DPH6: variants seen among roughly 807,000 people sequenced by gnomAD.
DPH6 encodes diphthamine biosynthesis 6.
In DPH6, 33 loss-of-function variants were observed where a neutral mutation model predicts 38.2. That is an observed-to-expected ratio of 0.86 (90% CI 0.65 to 1.15). The LOEUF (loss-of-function observed/expected upper bound fraction) is 1.15, where lower values mean the gene tolerates loss of function less well. DPH6 is among the 50% of genes most tolerant of loss of function. The pLI is 0.00. For missense variants in DPH6, 325 were observed against 320.0 expected (o/e 1.02, Z -0.12); for synonymous variants, 108 against 103.0 (o/e 1.05, Z -0.30).
At chr15:35,358,615 A>T (rs1434965435) in intron 3 of DPH6, among the ~76,000 whole-genome samples, 1 of 152,074 alleles carries the variant, frequency 6.6e-6, no homozygotes, top group Admixed American at 6.5e-5. Context: ...CTATGGATGT[A>T]GCTTCCTGTG....
At chr15:35,545,096 A>T (rs8024137) in intron 1 of DPH6, among the ~76,000 whole-genome samples, 134,247 of 152,218 alleles carry the variant, frequency 0.88, 59,316 homozygotes, top group East Asian at 1. Flanking sequence ...AATAGGTCAA[A>T]ACTTACAGCC....
At chr15:35,481,536 T>C (rs73380799) in intron 3 of DPH6, among the ~76,000 whole-genome samples, 12,021 of 152,148 alleles carry the variant, frequency 0.079, 642 homozygotes, top group African/African-American at 0.14. Flanking sequence ...AATTTAAAAT[T>C]TGAATATTGA....
rs144198937 is a variant in DPH6 at position 35,533,015 on chromosome 15, G to A, written c.312+5259C>T. On this transcript the variant is annotated intron_variant, in intron 3 of 8. Transcript: ENST00000256538. ...CCAGCTACTCAGGAGGCTGAAGCAG[G>A]AGAATTGCTTGAACCTAGGAGGCGG... Among the ~76,000 whole-genome samples the A allele has an allele frequency of 4.1e-4, 62 of 151,968 alleles. 1 individual carries two copies. In the East Asian group the frequency reaches 0.012, roughly 29 times the overall value.
chr15:35,273,020 C>T (rs969409225), intron 3 of DPH6, among the ~76,000 whole-genome samples: 1 of 152,020 alleles, frequency 6.6e-6, no homozygotes, highest in African/African-American at 2.4e-5. Flanking sequence ...TGTAAGCTTC[C>T]TGAGGACTAT....
chr15:35,465,969 G>A (rs1857679975), intron 3 of DPH6, among the ~76,000 whole-genome samples: 1 of 152,154 alleles, frequency 6.6e-6, no homozygotes, highest in African/African-American at 2.4e-5. Context: ...CAACCTACAT[G>A]TGAAACTAAA....
At chr15:35,274,817 T>C (rs1206106485) in intron 3 of DPH6, among the ~76,000 whole-genome samples, 1 of 152,200 alleles carries the variant, frequency 6.6e-6, no homozygotes, top group African/African-American at 2.4e-5. Flanking sequence ...TTTAAACCGT[T>C]GTGGATGACA....
At chr15:35,257,885 A>G (rs2051718807) in intron 3 of DPH6, among the ~76,000 whole-genome samples, 1 of 151,978 alleles carries the variant, frequency 6.6e-6, no homozygotes, top group East Asian at 1.9e-4. Context: ...CTCTTAAACA[A>G]TTTGAATAGT....
intron 3 of DPH6, among the ~76,000 whole-genome samples, chr15:35,289,671 T>C (rs1172366636): frequency 6.6e-6 from 1 of 152,250 alleles, no homozygotes; most frequent in African/African-American, 2.4e-5. Flanking sequence ...ATTTCTAATG[T>C]TATGTTTTAG....
At chr15:35,408,283 T>C (rs1050946739) in intron 6 of DPH6, among the ~76,000 whole-genome samples, 1 of 151,978 alleles carries the variant, frequency 6.6e-6, no homozygotes, top group Non-Finnish European at 1.5e-5. Flanking sequence ...ATTAGCACAA[T>C]TATCTTGAGG....
chr15:35,262,705 C>CAAAAAAAAAAAAAAAAAAA (rs58580024), intron 3 of DPH6, among the ~76,000 whole-genome samples: 14 of 82,626 alleles, frequency 1.7e-4, no homozygotes, highest in African/African-American at 7.0e-4. Context: ...GACTCCGTCT[C>CAAAAAAAAAAAAAAAAAAA]AAAAAAAAAA....
intron 3 of DPH6, among the ~76,000 whole-genome samples, chr15:35,485,421 T>C (rs923375624): frequency 9.9e-5 from 15 of 152,206 alleles, no homozygotes; most frequent in Admixed American, 8.5e-4. Flanking sequence ...TTTGCCAAGA[T>C]AGGGTCATTA....
chr15:35,435,854 G>T (rs2053692407), intron 5 of DPH6, among the ~76,000 whole-genome samples: 2 of 152,006 alleles, frequency 1.3e-5, no homozygotes, highest in South Asian at 4.2e-4. Context: ...TTCTTCTGAG[G>T]GTAGAGGAAA....
At chr15:35,293,287 T>G (rs2051991681) in intron 3 of DPH6, among the ~76,000 whole-genome samples, 1 of 152,210 alleles carries the variant, frequency 6.6e-6, no homozygotes, top group South Asian at 2.1e-4. Context: ...TTTAGTTATC[T>G]CTTTCTCATA....
chr15:35,467,764 C>A (rs374904107), intron 3 of DPH6, among the ~76,000 whole-genome samples: 1 of 151,864 alleles, frequency 6.6e-6, no homozygotes, highest in East Asian at 1.9e-4. Context: ...TTGGAGGGAC[C>A]GGCCTGAGGC....
At chr15:35,493,332 C>T (rs951578529) in intron 3 of DPH6, among the ~76,000 whole-genome samples, 10 of 152,042 alleles carry the variant, frequency 6.6e-5, no homozygotes, top group Admixed American at 5.3e-4. Context: ...GGTTAGATTC[C>T]GTAGGCTAAC....
At chr15:35,352,452 C>A (rs1472043795) in intron 3 of DPH6, among the ~76,000 whole-genome samples, 1 of 152,116 alleles carries the variant, frequency 6.6e-6, no homozygotes, top group Admixed American at 6.5e-5. Context: ...CACAACAGGC[C>A]CCGGTGTGTG....
chr15:35,531,064 T>C lies in DPH6; in HGVS notation c.312+7210A>G, dbSNP rs191179724. Among the ~76,000 whole-genome samples the C allele has an allele frequency of 3.2e-4, 49 of 152,326 alleles. No individual in the cohort carries two copies. In the East Asian group the frequency reaches 5.0e-3, roughly 16 times the overall value. Reference sequence around the variant, plus strand: ...GTGTGCCTGTTTAACTAATGCTATGTCTGCGTCCTCCCTGAAAATCTTAAG... The same window carrying C: ...GTGTGCCTGTTTAACTAATGCTATGCCTGCGTCCTCCCTGAAAATCTTAAG... On this transcript the variant is annotated intron_variant, in intron 3 of 8. Coordinates refer to ENST00000256538, the MANE Select transcript of DPH6 (RefSeq NM_080650.4).
At chr15:35,542,781 T>C (rs1014047318) in intron 1 of DPH6, among the ~76,000 whole-genome samples, 1 of 149,416 alleles carries the variant, frequency 6.7e-6, no homozygotes, top group Admixed American at 6.7e-5. Flanking sequence ...AGCAAATATA[T>C]TTGAAGTGAT....
At chr15:35,468,769 C>T (rs2092436982) in intron 3 of DPH6, among the ~76,000 whole-genome samples, 1 of 152,012 alleles carries the variant, frequency 6.6e-6, no homozygotes, top group Non-Finnish European at 1.5e-5. Context: ...GGAGATGAGA[C>T]TAAAAGGCCA....
Sources: allele counts gnomAD v4.1 joint callset (sites outside exome capture counted in the v4.1 genomes callset), GRCh38; gene constraint gnomAD v4.1.1; transcripts MANE v1.5; gene names NCBI Gene and HGNC (gene_info 2026-07-23, HGNC 2026-07-21).